The following TRPC5 variants were observed in gnomAD, a reference collection of about 807,000 sequenced individuals.
The protein encoded by TRPC5 is short transient receptor potential channel 5.
In TRPC5, 9 loss-of-function variants were observed where a neutral mutation model predicts 56.5. The observed-to-expected ratio is 0.16, with a 90% confidence interval of 0.10 to 0.28. The LOEUF is 0.28. Ranked by LOEUF, TRPC5 falls within the 10% of genes least tolerant of loss-of-function variation. TRPC5 has a pLI of 1.00. For missense variants in TRPC5, 469 were observed against 748.9 expected, an observed-to-expected ratio of 0.63 and a Z score of 4.36; for synonymous variants, 282 against 278.5, an observed-to-expected ratio of 1.01 and a Z score of -0.13.
intron 2 of TRPC5, among the ~76,000 whole-genome samples, chrX:111,919,545 A>G (rs1183868022): frequency 8.9e-6 from 1 of 112,438 alleles, no homozygotes; most frequent in East Asian, 2.8e-4. Context: ...ACACTTTCAC[A>G]GTGCAATTTA....
In TRPC5 at chrX:111,768,146, G is replaced by T. The variant is rs905379839; in HGVS notation, c.*8167C>A. On this transcript the variant is annotated 3_prime_UTR_variant, in exon 11 of 11. Transcript: ENST00000262839. ...ACTTACAGAAAGTGTTTAAATAAAA[G>T]TGATAGTTATTCAAAGAGATTTCCA... Among the ~76,000 whole-genome samples, 13 of 112,439 alleles carry T rather than the reference G, an allele frequency of 1.2e-4. No individual in the cohort carries two copies. Among genetic ancestry groups the T allele is most frequent in the African/African-American group, 3.9e-4 (12 of 31,069 alleles).
At chrX:111,974,337 T>C (rs1927861879) in intron 1 of TRPC5, among the ~76,000 whole-genome samples, 1 of 110,744 alleles carries the variant, frequency 9.0e-6, no homozygotes, top group Non-Finnish European at 1.9e-5. Flanking sequence ...GGGTAATGGA[T>C]AAGAGATAGT....
intron 6 of TRPC5, among the ~76,000 whole-genome samples, chrX:111,843,526 C>T (rs147797924): frequency 0.01 from 1,136 of 111,052 alleles, 16 homozygotes; most frequent in African/African-American, 0.036. Context: ...TAATGGCATG[C>T]GATGTACAAA....
At chrX:111,841,972 A>G (rs1051919816) in intron 6 of TRPC5, among the ~76,000 whole-genome samples, 5 of 106,913 alleles carry the variant, frequency 4.7e-5, no homozygotes, top group African/African-American at 1.4e-4. Flanking sequence ...CGGCCTCCCA[A>G]GGTGTTGAGA....
At chrX:111,975,828 G>T (rs771596511) in intron 1 of TRPC5, among the ~76,000 whole-genome samples, 5 of 111,935 alleles carry the variant, frequency 4.5e-5, no homozygotes, top group African/African-American at 9.7e-5. Flanking sequence ...GGAGCAAAGC[G>T]GAGAGGCGGA....
chrX:112,048,399 CAAAAAAAAAAAAAA>C (rs58537492), intron 1 of TRPC5, among the ~76,000 whole-genome samples: 550 of 21,492 alleles, frequency 0.026, 11 homozygotes, highest in South Asian at 0.15. Context: ...GACTCCGTAT[CAAAAAAAAAAAAAA>C]AAAAAAAAAA....
In TRPC5 at chrX:111,771,836, T is replaced by A. The variant is rs1397189183; in HGVS notation, c.*4477A>T. ...TTGATAGCTCTCAATATAAAAGTGC[T>A]ACAGAAGATGCTGTCATGGCAGTTC... On this transcript the variant is annotated 3_prime_UTR_variant, in exon 11 of 11. Coordinates refer to ENST00000262839, the MANE Select transcript of TRPC5 (RefSeq NM_012471.3). Among the ~76,000 whole-genome samples, 1 of 110,235 alleles carries A rather than the reference T, an allele frequency of 9.1e-6. No individual in the cohort carries two copies. The highest frequency in any genetic ancestry group is 1.9e-5 in the Non-Finnish European group (1 of 52,821).
Position 112,029,889 on chromosome X carries a change from G to A in TRPC5, c.-22+51990C>T, listed in dbSNP as rs1050625126. On this transcript the variant is annotated intron_variant, in intron 1 of 10. Transcript: ENST00000262839. Reference sequence around the variant, plus strand: ...GTTACCCAGACTGGAGTGCAATGGCGCGATCTCGACTCACCGCAACCTCTG... The same window carrying A: ...GTTACCCAGACTGGAGTGCAATGGCACGATCTCGACTCACCGCAACCTCTG... Among the ~76,000 whole-genome samples, 11 of 108,119 alleles carry A rather than the reference G, an allele frequency of 1.0e-4. No individual in the cohort carries two copies. The South Asian group carries it at 1.3e-3, about 12-fold the overall frequency. 93.9% of individuals were successfully genotyped at this position (108,119 alleles called of 115,157 possible).
chrX:111,837,624 G>T, intron 6 of TRPC5, among the ~76,000 whole-genome samples: 1 of 111,545 alleles, frequency 9.0e-6, no homozygotes, highest in Non-Finnish European at 1.9e-5. Flanking sequence ...TAGAGTCTTA[G>T]TTAATTGGTT....
At chrX:111,970,096 AT>A (rs1174929237) in intron 1 of TRPC5, among the ~76,000 whole-genome samples, 11 of 111,083 alleles carry the variant, frequency 9.9e-5, no homozygotes, top group Non-Finnish European at 1.7e-4. Context: ...TTCAAATAAT[AT>A]CCAAGTTTAA....
chrX:111,978,886 T>C (rs1928002823), intron 1 of TRPC5, among the ~76,000 whole-genome samples: 1 of 111,454 alleles, frequency 9.0e-6, no homozygotes, highest in African/African-American at 3.3e-5. Context: ...ATGTCAATTA[T>C]ATCTTAATAA....
intron 1 of TRPC5, among the ~76,000 whole-genome samples, chrX:111,992,316 A>G (rs757581394): frequency 4.4e-5 from 5 of 112,401 alleles, no homozygotes; most frequent in Admixed American, 3.8e-4. Flanking sequence ...AAACATATCA[A>G]GTTGCACACT....
At chrX:111,922,453 T>A (rs1926150623) in intron 2 of TRPC5, among the ~76,000 whole-genome samples, 1 of 112,111 alleles carries the variant, frequency 8.9e-6, no homozygotes, top group South Asian at 3.7e-4. Flanking sequence ...ACATGCCAGA[T>A]AAAATCAGTG....
At chrX:111,979,018 C>T (rs1928006104) in intron 1 of TRPC5, among the ~76,000 whole-genome samples, 1 of 111,074 alleles carries the variant, frequency 9.0e-6, no homozygotes, top group Non-Finnish European at 1.9e-5. Context: ...TAGTATTATA[C>T]TGGATGTTTT....
intron 7 of TRPC5, among the ~76,000 whole-genome samples, chrX:111,790,755 T>C (rs1946013186): frequency 9.1e-6 from 1 of 110,387 alleles, no homozygotes; most frequent in Non-Finnish European, 1.9e-5. Flanking sequence ...CCATGGTGGC[T>C]CATGCCTGGA....
At chrX:111,845,024 G>A (rs1488926132) in intron 6 of TRPC5, among the ~76,000 whole-genome samples, 7 of 109,603 alleles carry the variant, frequency 6.4e-5, no homozygotes, top group African/African-American at 2.3e-4. Flanking sequence ...GATCACCTGA[G>A]GTCAGGAGTT....
intron 7 of TRPC5, among the ~76,000 whole-genome samples, chrX:111,784,387 TATC>T (rs773137626): frequency 1.8e-5 from 2 of 112,355 alleles, no homozygotes; most frequent in East Asian, 2.8e-4. Context: ...AATAATTTAA[TATC>T]ATATATCTGA....
chrX:111,900,829 T>C (rs1925306024), intron 3 of TRPC5, among the ~76,000 whole-genome samples: 1 of 111,736 alleles, frequency 8.9e-6, no homozygotes, highest in Admixed American at 9.5e-5. Flanking sequence ...TCATTTTAAG[T>C]GTGGTGGGGA....
chrX:111,960,877 T>A (rs1029592045), intron 1 of TRPC5, among the ~76,000 whole-genome samples: 2 of 111,473 alleles, frequency 1.8e-5, no homozygotes, highest in Non-Finnish European at 3.8e-5. Context: ...AGTGGTGCGA[T>A]CTCGGCTCAC....
Sources: gnomAD v4.1 joint callset for allele counts (sites outside exome capture counted in the v4.1 genomes callset) on GRCh38, gnomAD v4.1.1 for gene constraint, MANE v1.5 for transcripts, NCBI Gene and HGNC (gene_info 2026-07-23, HGNC 2026-07-21) for gene names.